KRTAP19-7: variants seen among roughly 807,000 people sequenced by gnomAD.
KRTAP19-7 encodes the protein keratin associated protein 19-7.
For missense variants in KRTAP19-7, 76 were observed against 78.5 expected, an observed-to-expected ratio of 0.97 and a Z score of 0.12; for synonymous variants, 38 against 31.6, an observed-to-expected ratio of 1.20 and a Z score of -0.67.
At position 30,561,073 on chromosome 21, in the gene KRTAP19-7, A is replaced by C. The variant is rs755667965; in HGVS notation, c.*25T>G. The C allele has an allele frequency of 6.2e-7, 1 of 1,608,088 alleles. No individual in the cohort carries two copies. Among genetic ancestry groups the C allele is most frequent in the Non-Finnish European group, 8.5e-7 (1 of 1,175,554 alleles). On this transcript the variant is annotated 3_prime_UTR_variant, in exon 1 of 1. Transcript: ENST00000334849. ...TTCTTGGAAGAATTGGGAATCTCACAGAAGACTATATTTCAAGTATTTATT... is the reference window on the plus strand; with the variant it reads ...TTCTTGGAAGAATTGGGAATCTCACCGAAGACTATATTTCAAGTATTTATT...
chr21:30,561,177 C>G lies in KRTAP19-7; in HGVS notation c.113G>C (p.Gly38Ala). 4 of 1,614,128 alleles carry G rather than the reference C, an allele frequency of 2.5e-6. No individual in the cohort carries two copies. Among genetic ancestry groups the G allele is most frequent in the Non-Finnish European group, 3.4e-6 (4 of 1,179,992 alleles). ...GCGSFRRLGY[G>A]CGYGGYRYSC... Reference sequence around the variant, plus strand: ...GTATCTGTAGCCTCCATAGCCACAGCCATAGCCCAGTCTGCGGAAGCTGCC... The same window carrying G: ...GTATCTGTAGCCTCCATAGCCACAGGCATAGCCCAGTCTGCGGAAGCTGCC... Residue 38 changes from glycine to alanine, a missense_variant, in exon 1 of 1, where the codon GGC becomes GCC. Transcript: ENST00000334849.
At position 30,561,215 on chromosome 21, in the gene KRTAP19-7, A is replaced by G. The variant is rs1229353609; in HGVS notation, c.75T>C (p.Tyr25=). Residue 25 remains tyrosine (Y), a synonymous_variant, in exon 1 of 1, where the codon TAT becomes TAC. Transcript: ENST00000334849. ...TGCGGAAGCTGCCACATCCACAGCT[A>G]TAGCCATAGCCCAGGCCACCGAATC... ...CGGFGGLGYG[Y]SCGCGSFRRL... The G allele has an allele frequency of 1.9e-6, 3 of 1,614,096 alleles. No individual in the cohort carries two copies. The highest frequency in any genetic ancestry group is 2.2e-5 in the East Asian group (1 of 44,862).
Position 30,560,995 on chromosome 21 carries a change from A to C in KRTAP19-7, c.*103T>G. 1.7e-6 allele frequency: 2 copies of C among 1,156,806 alleles called. No homozygotes were observed. Among genetic ancestry groups the C allele is most frequent in the Non-Finnish European group, 2.5e-6 (2 of 792,054 alleles). The allele number at this position is 1,156,806 out of a possible 1,614,324, so 71.7% of individuals were successfully genotyped here. A position where few individuals can be genotyped will look rare whatever the true frequency, so the allele number is the denominator to read the frequency against. ...ACTATTGTCAAAAGGCAGGTGATCC[A>C]AGCAGCTGTTTTGTTATGGAATATG... is the stretch of plus-strand genomic sequence containing the variant. On this transcript the variant is annotated 3_prime_UTR_variant, in exon 1 of 1. Transcript: ENST00000334849.
chr21:30,561,136 A>G lies in KRTAP19-7; in HGVS notation c.154T>C (p.Ser52Pro), dbSNP rs774799776. ...GAAGACCAGTATCCCCCATAGCATG[A>G]TGGGTGGCAGCAGCTGTATCTGTAG... ...GGYRYSCCHP[S>P]CYGGYWSSGF... The change falls in exon 1 of 1, where the codon TCA (serine) becomes CCA (proline). Residue 52 changes from serine (S) to proline (P), a missense_variant. Physicochemically the swap from Ser to Pro is moderately conservative, Grantham distance 74. Transcript: ENST00000334849. 3.1e-6 allele frequency: 5 copies of G among 1,614,114 alleles called. No homozygotes were observed.
At position 30,561,247 on chromosome 21, in the gene KRTAP19-7, A is replaced by G; in HGVS notation, c.43T>C (p.Cys15Arg). Residue 15 changes from cysteine (C) to arginine (R), a missense_variant, in exon 1 of 1, where the codon TGT becomes CGT. Transcript: ENST00000334849. ...GSYYGGLGYG[C>R]GGFGGLGYGY... ...TAGCCCAGGCCACCGAATCCTCCAC[A>G]GCCGTAGCCTAGGCCTCCATAGTAG... is the stretch of plus-strand genomic sequence containing the variant. 6.2e-7 allele frequency: 1 copy of G among 1,614,116 alleles called. No homozygotes were observed. The highest frequency in any genetic ancestry group is 8.5e-7 in the Non-Finnish European group (1 of 1,179,992).
In KRTAP19-7 at chr21:30,560,950, G is replaced by A. The variant is rs1361570875; in HGVS notation, c.*148C>T. ...ATCACTAATCAAATGCCAATATCTA[G>A]TTGATCAAGTTTTCTTCACACTATT... On this transcript the variant is annotated 3_prime_UTR_variant, in exon 1 of 1. Coordinates refer to ENST00000334849, the MANE Select transcript of KRTAP19-7 (RefSeq NM_181614.3). The A allele has an allele frequency of 3.3e-5, 25 of 752,628 alleles. No homozygotes were observed. Among genetic ancestry groups the A allele is most frequent in the Non-Finnish European group, 5.3e-5 (24 of 454,010 alleles). The allele number at this position is 752,628 out of a possible 1,614,324, so 46.6% of individuals were successfully genotyped here. A position where few individuals can be genotyped will look rare whatever the true frequency, so the allele number is the denominator to read the frequency against.
rs2123553713 is a variant in KRTAP19-7, at chr21:30,560,994, C to T, written c.*104G>A. The T allele has an allele frequency of 8.5e-7, 1 of 1,176,432 alleles. No individual in the cohort carries two copies. Among genetic ancestry groups the T allele is most frequent in the Non-Finnish European group, 1.2e-6 (1 of 811,544 alleles). 72.9% of individuals were successfully genotyped at this position (1,176,432 alleles called of 1,614,324 possible). On this transcript the variant is annotated 3_prime_UTR_variant, in exon 1 of 1. Transcript: ENST00000334849. ...CACTATTGTCAAAAGGCAGGTGATC[C>T]AAGCAGCTGTTTTGTTATGGAATAT...
chr21:30,561,134 T>C lies in KRTAP19-7; in HGVS notation c.156A>G (p.Ser52=). 1.2e-6 allele frequency: 2 copies of C among 1,614,136 alleles called. No individual in the cohort carries two copies. Among genetic ancestry groups the C allele is most frequent in the Non-Finnish European group, 1.7e-6 (2 of 1,179,988 alleles). The change falls in exon 1 of 1, where the codon TCA becomes TCG. Residue 52 remains serine (S), a synonymous_variant. Transcript: ENST00000334849. ...GGYRYSCCHP[S]CYGGYWSSGF... is the part of the protein sequence containing the mutation. Reference sequence around the variant, plus strand: ...CAGAAGACCAGTATCCCCCATAGCATGATGGGTGGCAGCAGCTGTATCTGT... The same window carrying C: ...CAGAAGACCAGTATCCCCCATAGCACGATGGGTGGCAGCAGCTGTATCTGT...
rs1979255480 is a variant in KRTAP19-7, at chr21:30,561,011, A to T, written c.*87T>A. On this transcript the variant is annotated 3_prime_UTR_variant, in exon 1 of 1. Coordinates refer to ENST00000334849, the MANE Select transcript of KRTAP19-7 (RefSeq NM_181614.3). ...AGGTGATCCAAGCAGCTGTTTTGTTATGGAATATGGAATTCCATATGGTTA... is the reference window on the plus strand; with the variant it reads ...AGGTGATCCAAGCAGCTGTTTTGTTTTGGAATATGGAATTCCATATGGTTA... The T allele has an allele frequency of 1.5e-6, 2 of 1,366,670 alleles. No homozygotes were observed. 84.7% of individuals were successfully genotyped at this position (1,366,670 alleles called of 1,614,324 possible).
chr21:30,561,041 A>G lies in KRTAP19-7; in HGVS notation c.*57T>C, dbSNP rs985636165. 9 of 1,562,876 alleles carry G rather than the reference A, an allele frequency of 5.8e-6. No homozygotes were observed. In the Admixed American group the frequency reaches 1.5e-4, roughly 27 times the overall value. On this transcript the variant is annotated 3_prime_UTR_variant, in exon 1 of 1. Transcript: ENST00000334849. ...ATATGGAATTCCATATGGTTATGGA[A>G]TAAAGTTTCTTGGAAGAATTGGGAA...
rs767966391 is a variant in KRTAP19-7, at chr21:30,561,235, C to T, written c.55G>A (p.Gly19Ser). ...CAGCTATAGCCATAGCCCAGGCCAC[C>T]GAATCCTCCACAGCCGTAGCCTAGG... The part of the protein sequence containing the change: ...GGLGYGCGGF[G>S]GLGYGYSCGC... Residue 19 changes from glycine to serine, a missense_variant, in exon 1 of 1, where the codon GGT becomes AGT. Physicochemically the swap from Gly to Ser is moderately conservative, Grantham distance 56. Transcript: ENST00000334849. 65 of 1,614,104 alleles carry T rather than the reference C, an allele frequency of 4.0e-5. 1 individual carries two copies. The South Asian group carries it at 4.2e-4, about 10-fold the overall frequency.
In KRTAP19-7 at chr21:30,560,920, A is replaced by G; in HGVS notation, c.*178T>C. On this transcript the variant is annotated 3_prime_UTR_variant, in exon 1 of 1. Coordinates refer to ENST00000334849, the MANE Select transcript of KRTAP19-7 (RefSeq NM_181614.3). Reference sequence around the variant, plus strand: ...AGCCAATAAAAAAGTGAATATCTGGAGAACATCACTAATCAAATGCCAATA... The same window carrying G: ...AGCCAATAAAAAAGTGAATATCTGGGGAACATCACTAATCAAATGCCAATA... 1.6e-6 allele frequency: 1 copy of G among 624,480 alleles called. No homozygotes were observed. The highest frequency in any genetic ancestry group is 2.8e-6 in the Non-Finnish European group (1 of 359,554). The allele number at this position is 624,480 out of a possible 1,614,324, so 38.7% of individuals were successfully genotyped here. A position where few individuals can be genotyped will look rare whatever the true frequency, so the allele number is the denominator to read the frequency against.
chr21:30,560,993 C>T lies in KRTAP19-7; in HGVS notation c.*105G>A. ...ACACTATTGTCAAAAGGCAGGTGAT[C>T]CAAGCAGCTGTTTTGTTATGGAATA... On this transcript the variant is annotated 3_prime_UTR_variant, in exon 1 of 1. Transcript: ENST00000334849. 1 of 1,162,254 alleles carries T rather than the reference C, an allele frequency of 8.6e-7. No homozygotes were observed. Among genetic ancestry groups the T allele is most frequent in the Non-Finnish European group, 1.3e-6 (1 of 799,060 alleles). 72.0% of individuals were successfully genotyped at this position (1,162,254 alleles called of 1,614,324 possible). A position where few individuals can be genotyped will look rare whatever the true frequency, so the allele number is the denominator to read the frequency against.
Position 30,561,033 on chromosome 21 carries a change from G to C in KRTAP19-7, c.*65C>G. 6.7e-7 allele frequency: 1 copy of C among 1,487,734 alleles called. No individual in the cohort carries two copies. Among genetic ancestry groups the C allele is most frequent in the South Asian group, 1.1e-5 (1 of 87,704 alleles). The allele number at this position is 1,487,734 out of a possible 1,614,324, so 92.2% of individuals were successfully genotyped here. A position where few individuals can be genotyped will look rare whatever the true frequency, so the allele number is the denominator to read the frequency against. On this transcript the variant is annotated 3_prime_UTR_variant, in exon 1 of 1. Transcript: ENST00000334849. ...GTTATGGAATATGGAATTCCATATG[G>C]TTATGGAATAAAGTTTCTTGGAAGA...
chr21:30,560,905 A>T lies in KRTAP19-7; in HGVS notation c.*193T>A. ...GTATAATGGCTCTCCAGCCAATAAAAAAGTGAATATCTGGAGAACATCACT... is the reference window on the plus strand; with the variant it reads ...GTATAATGGCTCTCCAGCCAATAAATAAGTGAATATCTGGAGAACATCACT... On this transcript the variant is annotated 3_prime_UTR_variant, in exon 1 of 1. Transcript: ENST00000334849. 1 of 592,784 alleles carries T rather than the reference A, an allele frequency of 1.7e-6. No homozygotes were observed. Among genetic ancestry groups the T allele is most frequent in the Non-Finnish European group, 3.0e-6 (1 of 338,720 alleles). The allele number at this position is 592,784 out of a possible 1,614,324, so 36.7% of individuals were successfully genotyped here.
the KRTAP19-7 span, chr21:30,561,166 C>A: frequency 6.2e-7 from 1 of 1,614,000 alleles, no homozygotes; most frequent in East Asian, 2.2e-5. Context: ...CTGTAGCCTC[C>A]ATAGCCACAG....
Position 30,561,241 on chromosome 21 carries a change from C to T in KRTAP19-7, c.49G>A (p.Gly17Arg). 3.1e-6 allele frequency: 5 copies of T among 1,614,130 alleles called. No individual in the cohort carries two copies. Among genetic ancestry groups the T allele is most frequent in the Non-Finnish European group, 4.2e-6 (5 of 1,179,996 alleles). The change falls in exon 1 of 1, where the codon GGA becomes AGA. Residue 17 changes from glycine (G) to arginine (R), a missense_variant. Physicochemically the swap from Gly to Arg is moderately radical, Grantham distance 125. Coordinates refer to ENST00000334849, the MANE Select transcript of KRTAP19-7 (RefSeq NM_181614.3). ...TAGCCATAGCCCAGGCCACCGAATC[C>T]TCCACAGCCGTAGCCTAGGCCTCCA... The part of the protein sequence containing the change: ...YYGGLGYGCG[G>R]FGGLGYGYSC...
At position 30,560,960 on chromosome 21, in the gene KRTAP19-7, T is replaced by A; in HGVS notation, c.*138A>T. On this transcript the variant is annotated 3_prime_UTR_variant, in exon 1 of 1. Coordinates refer to ENST00000334849, the MANE Select transcript of KRTAP19-7 (RefSeq NM_181614.3). ...AAATGCCAATATCTAGTTGATCAAG[T>A]TTTCTTCACACTATTGTCAAAAGGC... 1.2e-6 allele frequency: 1 copy of A among 829,332 alleles called. No homozygotes were observed. The highest frequency in any genetic ancestry group is 1.7e-5 in the African/African-American group (1 of 58,626). The allele number at this position is 829,332 out of a possible 1,614,324, so 51.4% of individuals were successfully genotyped here.
chr21:30,561,293 G>A lies in KRTAP19-7; in HGVS notation c.-4C>T. Reference sequence around the variant, plus strand: ...AGTAGCTGCCGGAGTAGCTCATGTTGTCAGAAGTGGTTAGCTGTTGTAGGT... The same window carrying A: ...AGTAGCTGCCGGAGTAGCTCATGTTATCAGAAGTGGTTAGCTGTTGTAGGT... On this transcript the variant is annotated 5_prime_UTR_variant, in exon 1 of 1. Transcript: ENST00000334849. The A allele has an allele frequency of 6.2e-7, 1 of 1,613,802 alleles. No individual in the cohort carries two copies. Among genetic ancestry groups the A allele is most frequent in the Non-Finnish European group, 8.5e-7 (1 of 1,179,844 alleles).
Sources: gnomAD v4.1 joint callset for allele counts on GRCh38, gnomAD v4.1.1 for gene constraint, MANE v1.5 for transcripts, NCBI Gene and HGNC (gene_info 2026-07-23, HGNC 2026-07-21) for gene names.